The following SFMBT2 variants were observed in gnomAD, a reference collection of about 807,000 sequenced individuals.
SFMBT2 encodes the protein scm-like with four MBT domains protein 2.
SFMBT2 carries 38 observed loss-of-function variants against 110.1 expected under a neutral mutation model. That is an observed-to-expected ratio of 0.35 (90% CI 0.27 to 0.45). The LOEUF is 0.45. Ranked by LOEUF, SFMBT2 falls within the 20% of genes least tolerant of loss-of-function variation. SFMBT2 has a pLI of 1.00. For synonymous variants in SFMBT2, 425 were observed against 425.4 expected, an observed-to-expected ratio of 1.00 and a Z score of 0.01; for missense variants, 1,011 against 1,094.9, an observed-to-expected ratio of 0.92 and a Z score of 1.08.
intron 11 of SFMBT2, among the ~76,000 whole-genome samples, chr10:7,212,812 A>G (rs2131629911): frequency 6.6e-6 from 1 of 152,366 alleles, no homozygotes; most frequent in South Asian, 2.1e-4. Context: ...ACTCGATAGC[A>G]AAGACTTGCA....
At chr10:7,278,356 C>G (rs1001750450) in intron 6 of SFMBT2, among the ~76,000 whole-genome samples, 1 of 152,122 alleles carries the variant, frequency 6.6e-6, no homozygotes, top group African/African-American at 2.4e-5. Context: ...TCACAGAGCC[C>G]CCTGCAAGCT....
At chr10:7,288,926 C>T (rs1281821314) in intron 4 of SFMBT2, among the ~76,000 whole-genome samples, 2 of 149,660 alleles carry the variant, frequency 1.3e-5, no homozygotes, top group Non-Finnish European at 3.0e-5. Context: ...ATCCCAGCTA[C>T]TCGGGAGGCT....
chr10:7,204,188 G>A (rs1389603143), intron 12 of SFMBT2: 2 of 278,934 alleles, frequency 7.2e-6, no homozygotes, highest in African/African-American at 4.6e-5. Flanking sequence ...ATAGAATCCA[G>A]CTGTCTCTAA....
intron 6 of SFMBT2, among the ~76,000 whole-genome samples, chr10:7,277,932 T>C (rs946443701): frequency 1.3e-5 from 2 of 152,238 alleles, no homozygotes; most frequent in African/African-American, 4.8e-5. Context: ...TTGATCCTCA[T>C]AGCTTTTGAA....
chr10:7,193,668 T>C (rs1218203184), intron 15 of SFMBT2, among the ~76,000 whole-genome samples: 1 of 152,236 alleles, frequency 6.6e-6, no homozygotes, highest in Non-Finnish European at 1.5e-5. Context: ...TGGCCTCTTG[T>C]GCCCAGGCTG....
chr10:7,303,541 T>G (rs1842613188), intron 4 of SFMBT2, among the ~76,000 whole-genome samples: 1 of 152,084 alleles, frequency 6.6e-6, no homozygotes, highest in Non-Finnish European at 1.5e-5. Flanking sequence ...GAAAGGGTGG[T>G]GTAATAAAAT....
chr10:7,404,213 A>T (rs182286397), intron 1 of SFMBT2, among the ~76,000 whole-genome samples: 86 of 152,342 alleles, frequency 5.6e-4, no homozygotes, highest in African/African-American at 2.0e-3. Context: ...CTAGACCTAC[A>T]ATCCAAATGT....
rs571902466 is a variant in SFMBT2 at position 7,174,588 on chromosome 10, G to C, written c.1984+1402C>G. ...TTATATGAGATCCGGAGACATCTCTGAGTTCATTTCGGCAATGCTGAATGG... is the reference window on the plus strand; with the variant it reads ...TTATATGAGATCCGGAGACATCTCTCAGTTCATTTCGGCAATGCTGAATGG... On this transcript the variant is annotated intron_variant, in intron 17 of 20. Coordinates refer to ENST00000397167, the MANE Select transcript of SFMBT2 (RefSeq NM_001387889.1). Among the ~76,000 whole-genome samples, 9 of 152,338 alleles carry C rather than the reference G, an allele frequency of 5.9e-5. No individual in the cohort carries two copies. In the East Asian group the frequency reaches 1.5e-3, roughly 26 times the overall value.
At chr10:7,281,818 T>C (rs1252003927) in intron 6 of SFMBT2, among the ~76,000 whole-genome samples, 1 of 152,180 alleles carries the variant, frequency 6.6e-6, no homozygotes, top group Non-Finnish European at 1.5e-5. Context: ...AAGTAAGTTC[T>C]TGATGATGAA....
intron 4 of SFMBT2, among the ~76,000 whole-genome samples, chr10:7,329,142 C>G (rs1199207416): frequency 6.6e-6 from 1 of 152,214 alleles, no homozygotes; most frequent in East Asian, 1.9e-4. Flanking sequence ...CCTCAAATAA[C>G]AGTACAATCT....
At position 7,210,211 on chromosome 10, in the gene SFMBT2, A is replaced by C. The variant is rs993591932; in HGVS notation, c.1331-4283T>G. Among the ~76,000 whole-genome samples the C allele has an allele frequency of 2.0e-5, 3 of 152,214 alleles. No homozygotes were observed. The East Asian group carries it at 5.8e-4, about 29-fold the overall frequency. On this transcript the variant is annotated intron_variant, in intron 11 of 20. Transcript: ENST00000397167. ...CCCAGCCGATGACACAGGTGACTGT[A>C]ATCGAGACAGTGACCTATGCTACCC...
chr10:7,325,037 G>A (rs983917208), intron 4 of SFMBT2, among the ~76,000 whole-genome samples: 8 of 134,826 alleles, frequency 5.9e-5, no homozygotes, highest in Non-Finnish European at 1.1e-4. Flanking sequence ...GCACGATCTC[G>A]GCTCACTACA....
At chr10:7,216,809 C>T (rs145717531) in intron 11 of SFMBT2, among the ~76,000 whole-genome samples, 2 of 152,274 alleles carry the variant, frequency 1.3e-5, no homozygotes, top group African/African-American at 4.8e-5. Flanking sequence ...AAATCTGTCT[C>T]CTTCCAAACC....
chr10:7,267,016 T>C (rs1841416074), intron 7 of SFMBT2, among the ~76,000 whole-genome samples: 1 of 152,226 alleles, frequency 6.6e-6, no homozygotes, highest in African/African-American at 2.4e-5. Flanking sequence ...TGGTTTGCTG[T>C]GTCTAAACTG....
intron 4 of SFMBT2, among the ~76,000 whole-genome samples, chr10:7,363,508 C>T (rs1355641014): frequency 6.6e-6 from 1 of 152,096 alleles, no homozygotes; most frequent in East Asian, 1.9e-4. Context: ...GCCACCACGC[C>T]CAGCTAATTT....
intron 1 of SFMBT2, among the ~76,000 whole-genome samples, chr10:7,405,019 G>C (rs986060604): frequency 6.6e-6 from 1 of 152,122 alleles, no homozygotes; most frequent in Admixed American, 6.5e-5. Flanking sequence ...CTTAAACATA[G>C]AGCCAACACT....
At chr10:7,385,347 G>T (rs1287197347) in intron 1 of SFMBT2, among the ~76,000 whole-genome samples, 2 of 152,228 alleles carry the variant, frequency 1.3e-5, no homozygotes, top group Non-Finnish European at 2.9e-5. Context: ...TTGGAGAGCG[G>T]AGGGTGGCAG....
At chr10:7,371,983 G>A (rs991456843) in intron 2 of SFMBT2, among the ~76,000 whole-genome samples, 1 of 134,958 alleles carries the variant, frequency 7.4e-6, no homozygotes, top group Non-Finnish European at 1.5e-5. Context: ...CTGGAGTGCA[G>A]TGGCGCGATC....
intron 2 of SFMBT2, among the ~76,000 whole-genome samples, chr10:7,378,089 G>C (rs995121227): frequency 2.7e-5 from 4 of 148,940 alleles, no homozygotes; most frequent in African/African-American, 9.9e-5. Flanking sequence ...ATGTGGATGG[G>C]TGTGTGTGAG....
Sources: gnomAD v4.1 joint callset for allele counts (sites outside exome capture counted in the v4.1 genomes callset) on GRCh38, gnomAD v4.1.1 for gene constraint, MANE v1.5 for transcripts, NCBI Gene and HGNC (gene_info 2026-07-23, HGNC 2026-07-21) for gene names.